Variants in DENND1A observed in about 807,000 individuals in gnomAD.
The protein encoded by DENND1A is DENN domain containing 1A, also known as DENN domain-containing protein 1A.
DENND1A carries 51 observed loss-of-function variants against 113.7 expected under a neutral mutation model. The observed-to-expected ratio is 0.45, with a 90% CI of 0.36 to 0.57. The LOEUF (loss-of-function observed/expected upper bound fraction) is 0.57, where lower values mean the gene tolerates loss of function less well. Ranked by LOEUF, DENND1A falls within the 20% of genes least tolerant of loss-of-function variation. The pLI is 0.00. For synonymous variants in DENND1A, 565 were observed against 570.8 expected, an observed-to-expected ratio of 0.99 and a Z score of 0.14; for missense variants, 1,258 against 1,395.9, an observed-to-expected ratio of 0.90 and a Z score of 1.57.
At chr9:123,476,583 G>A (rs932185472) in intron 13 of DENND1A, among the ~76,000 whole-genome samples, 1 of 152,176 alleles carries the variant, frequency 6.6e-6, no homozygotes, top group South Asian at 2.1e-4. Context: ...TTCAATGCCC[G>A]TTCCTGGGCC....
intron 12 of DENND1A, among the ~76,000 whole-genome samples, chr9:123,570,705 A>G (rs540939331): frequency 4.6e-5 from 7 of 152,198 alleles, no homozygotes; most frequent in Non-Finnish European, 8.8e-5. Flanking sequence ...TCTATCAGAA[A>G]ATACTAACAA....
intron 11 of DENND1A, among the ~76,000 whole-genome samples, chr9:123,596,256 A>C (rs1399154766): frequency 6.6e-6 from 1 of 152,200 alleles, no homozygotes; most frequent in Non-Finnish European, 1.5e-5. Flanking sequence ...TTTGGCCTGC[A>C]GTTAAAACTT....
chr9:123,401,702 G>A (rs1378814830), intron 21 of DENND1A: 6 of 1,562,684 alleles, frequency 3.8e-6, no homozygotes, highest in Non-Finnish European at 5.2e-6. Context: ...AAGTGATACT[G>A]ACACAGTTCA....
chr9:123,473,246 A>G (rs966859901), intron 13 of DENND1A, among the ~76,000 whole-genome samples: 2 of 152,106 alleles, frequency 1.3e-5, no homozygotes. Flanking sequence ...GGAGAGCCAG[A>G]CAGGCTGACT....
intron 11 of DENND1A, among the ~76,000 whole-genome samples, chr9:123,589,952 A>C (rs890945275): frequency 3.3e-5 from 5 of 152,306 alleles, no homozygotes; most frequent in Middle Eastern, 3.4e-3. Flanking sequence ...TGACTGCATA[A>C]ATCCTCCAGG....
rs1400956320 is a variant in DENND1A at position 123,393,930 on chromosome 9, TG to T, written c.1632-6073del. ...GACTTGCTTTGCCGGAGGACAATGGTGGGGGCGTGCCTGGCTCAAGGGCTCT... is the reference window on the plus strand; with the variant it reads ...GACTTGCTTTGCCGGAGGACAATGGTGGGGCGTGCCTGGCTCAAGGGCTCT... On this transcript the variant is annotated intron_variant, in intron 21 of 23. Coordinates refer to ENST00000394215, the MANE Select transcript of DENND1A (RefSeq NM_001352964.2). Among the ~76,000 whole-genome samples, 5 of 150,976 alleles carry T rather than the reference TG, an allele frequency of 3.3e-5. No individual in the cohort carries two copies. In the South Asian group the frequency reaches 6.3e-4, roughly 19 times the overall value.
chr9:123,395,457 A>ACTCTCTCT (rs140282595), intron 21 of DENND1A, among the ~76,000 whole-genome samples: 1 of 142,030 alleles, frequency 7.0e-6, no homozygotes, highest in Admixed American at 6.8e-5. Context: ...CCCAGAATCT[A>ACTCTCTCT]CTCTCTCTCT....
chr9:123,548,295 T>C (rs1191108265), intron 13 of DENND1A, among the ~76,000 whole-genome samples: 1 of 152,192 alleles, frequency 6.6e-6, no homozygotes, highest in Middle Eastern at 3.2e-3. Context: ...CCTTCTGCAG[T>C]CCCCTTTACA....
intron 1 of DENND1A, among the ~76,000 whole-genome samples, chr9:123,891,863 C>T (rs1849953410): frequency 6.6e-6 from 1 of 152,176 alleles, no homozygotes; most frequent in Admixed American, 6.5e-5. Flanking sequence ...CAACAAAGCA[C>T]AGTGATCCCT....
rs898134496 is a variant in DENND1A at position 123,571,898 on chromosome 9, C to T, written c.867+11271G>A. ...AAACTGTTTTCCAAAGTGGTTGTAC[C>T]GTATTGTACTCCCATCAGCCGTGAT... On this transcript the variant is annotated intron_variant, in intron 12 of 23. Transcript: ENST00000394215. 4.6e-5 allele frequency among the ~76,000 whole-genome samples: 7 copies of T among 152,216 alleles called. No homozygotes were observed. The East Asian group carries it at 7.7e-4, about 17-fold the overall frequency.
intron 8 of DENND1A, among the ~76,000 whole-genome samples, chr9:123,652,965 C>T (rs748998724): frequency 5.9e-5 from 9 of 152,166 alleles, no homozygotes; most frequent in Non-Finnish European, 1.2e-4. Flanking sequence ...TAATAATACA[C>T]ATGAATATGC....
At chr9:123,836,945 T>C (rs1841138720) in intron 2 of DENND1A, among the ~76,000 whole-genome samples, 1 of 152,172 alleles carries the variant, frequency 6.6e-6, no homozygotes, top group Admixed American at 6.5e-5. Flanking sequence ...ATAGTTCCCT[T>C]ACTAAACATA....
At chr9:123,674,990 A>T (rs987958664) in intron 6 of DENND1A, among the ~76,000 whole-genome samples, 1 of 152,190 alleles carries the variant, frequency 6.6e-6, no homozygotes, top group Admixed American at 6.5e-5. Flanking sequence ...GTTTGACTAA[A>T]GGTAACTGTG....
chr9:123,458,982 CAAAA>C (rs1294347853), intron 13 of DENND1A, among the ~76,000 whole-genome samples: 4 of 151,748 alleles, frequency 2.6e-5, no homozygotes, highest in South Asian at 4.2e-4. Context: ...AACAAACAAA[CAAAA>C]AAACAAAACA....
chr9:123,415,104 GC>G (rs1459614001), intron 19 of DENND1A, among the ~76,000 whole-genome samples: 1 of 152,178 alleles, frequency 6.6e-6, no homozygotes, highest in African/African-American at 2.4e-5. Flanking sequence ...CTAAAAGTTA[GC>G]AGAGTGAGCC....
chr9:123,525,137 A>G (rs2772213), intron 13 of DENND1A, among the ~76,000 whole-genome samples: 126,997 of 152,186 alleles, frequency 0.83, 53,115 homozygotes, highest in Middle Eastern at 0.9. Context: ...TCGAGGTCAC[A>G]CTGCAAGTGA....
chr9:123,592,400 C>A (rs1415905790), intron 11 of DENND1A, among the ~76,000 whole-genome samples: 1 of 152,176 alleles, frequency 6.6e-6, no homozygotes, highest in Non-Finnish European at 1.5e-5. Flanking sequence ...CCTAACTCTG[C>A]CAATTAAAAC....
chr9:123,452,487 C>T, intron 16 of DENND1A, 140 bp from the exon 17 acceptor site: 1 of 699,544 alleles, frequency 1.4e-6, no homozygotes, highest in Non-Finnish European at 2.5e-6. Context: ...TGGATGATAA[C>T]TGGTCCCTGC....
intron 5 of DENND1A, among the ~76,000 whole-genome samples, chr9:123,737,451 G>T (rs929275306): frequency 6.6e-6 from 1 of 152,100 alleles, no homozygotes; most frequent in African/African-American, 2.4e-5. Context: ...ACCTCCCAAA[G>T]CACTAGGATT....
Sources: allele counts gnomAD v4.1 joint callset (sites outside exome capture counted in the v4.1 genomes callset), GRCh38; gene constraint gnomAD v4.1.1; transcripts MANE v1.5; gene names NCBI Gene and HGNC (gene_info 2026-07-23, HGNC 2026-07-21).